HFM1: variants seen among roughly 807,000 people sequenced by gnomAD.
HFM1 encodes the protein probable ATP-dependent DNA helicase HFM1.
HFM1 carries 169 observed loss-of-function variants against 192.1 expected under a neutral mutation model. The ratio of observed to expected loss-of-function variants is 0.88; its 90% CI spans 0.78 to 1.00. The LOEUF (loss-of-function observed/expected upper bound fraction) is 1.00. Among genes scored for constraint, HFM1 ranks in the 50% least tolerant of loss-of-function variants. The pLI is 0.00. For missense variants in HFM1, 1,661 were observed against 1,668.0 expected, an observed-to-expected ratio of 1.00 and a Z score of 0.07; for synonymous variants, 525 against 537.8, an observed-to-expected ratio of 0.98 and a Z score of 0.33.
chr1:91,375,794 C>T (rs1232342287), intron 11 of HFM1, 67 bp from the exon 12 acceptor site: 30 of 1,323,250 alleles, frequency 2.3e-5, no homozygotes, highest in Admixed American at 7.0e-5. Flanking sequence ...AAAAACAACC[C>T]AATTACAAAG....
chr1:91,290,941 C>T (rs1282880770), intron 30 of HFM1, among the ~76,000 whole-genome samples: 1 of 152,162 alleles, frequency 6.6e-6, no homozygotes, highest in African/African-American at 2.4e-5. Flanking sequence ...CAACCTGCTC[C>T]TAAATGACTA....
intron 4 of HFM1, among the ~76,000 whole-genome samples, chr1:91,389,940 T>C (rs941231613): frequency 1.2e-4 from 19 of 152,172 alleles, no homozygotes; most frequent in African/African-American, 4.6e-4. Flanking sequence ...AATATAAAGT[T>C]ACCATATGAC....
chr1:91,293,761 G>A (rs1156277329), intron 30 of HFM1, among the ~76,000 whole-genome samples: 1 of 149,616 alleles, frequency 6.7e-6, no homozygotes, highest in East Asian at 2.0e-4. Context: ...TATGTTTATT[G>A]CGGCATTATT....
intron 32 of HFM1, 45 bp from the exon 33 acceptor site, chr1:91,274,854 A>G (rs1449828340): frequency 1.0e-6 from 1 of 990,954 alleles, no homozygotes; most frequent in Non-Finnish European, 1.6e-6. Context: ...TTTCACATCA[A>G]TAACTTGTAA....
chr1:91,357,617 A>G (rs993338860), intron 13 of HFM1, among the ~76,000 whole-genome samples: 1 of 152,186 alleles, frequency 6.6e-6, no homozygotes, highest in Non-Finnish European at 1.5e-5. Context: ...GCAATCAGAT[A>G]AGAAAAAAAT....
intron 17 of HFM1, among the ~76,000 whole-genome samples, chr1:91,351,279 T>C (rs1656901645): frequency 6.6e-6 from 1 of 151,910 alleles, no homozygotes; most frequent in South Asian, 2.1e-4. Context: ...TATAACATAA[T>C]CATAATTACT....
chr1:91,269,410 T>C (rs940932737), intron 34 of HFM1, among the ~76,000 whole-genome samples: 10 of 152,134 alleles, frequency 6.6e-5, no homozygotes, highest in Admixed American at 2.6e-4. Context: ...TTCTTGAAAA[T>C]TTAATAATCA....
In HFM1 at chr1:91,316,481, G is replaced by A. The variant is rs558684042; in HGVS notation, c.2813-5C>T. ...TTGCATTTGACAATGTTATACCTGT[G>A]GAAAATTAATCAAACAACAACTTAA... On this transcript the variant is annotated splice_polypyrimidine_tract_variant and splice_region_variant and intron_variant, in intron 25 of 38. Coordinates refer to ENST00000370425, the MANE Select transcript of HFM1 (RefSeq NM_001017975.6). 6 of 1,348,482 alleles carry A rather than the reference G, an allele frequency of 4.4e-6. No homozygotes were observed. The highest frequency in any genetic ancestry group is 5.0e-6 in the Non-Finnish European group (5 of 995,218). The allele number at this position is 1,348,482 out of a possible 1,614,324, so 83.5% of individuals were successfully genotyped here.
Position 91,343,448 on chromosome 1 carries a change from C to T in HFM1, c.2317G>A (p.Val773Ile). Reference sequence around the variant, plus strand: ...AAATTACCAGTTGGTTTGAAATTAACACCTTCATCCATCTTTATTAAGTCC... The same window carrying T: ...AAATTACCAGTTGGTTTGAAATTAATACCTTCATCCATCTTTATTAAGTCC... ...SLDLIKMDEGVNFKPTEAGRL... is the reference protein window; with the variant it reads ...SLDLIKMDEGINFKPTEAGRL... Residue 773 changes from valine (V) to isoleucine (I), a missense_variant, in exon 20 of 39, where the codon GTT (valine) becomes ATT (isoleucine). Val to Ile is a conservative substitution (Grantham distance 29, BLOSUM62 3). Coordinates refer to ENST00000370425, the MANE Select transcript of HFM1 (RefSeq NM_001017975.6). 2.1e-6 allele frequency: 3 copies of T among 1,422,386 alleles called. No homozygotes were observed. Among genetic ancestry groups the T allele is most frequent in the South Asian group, 1.3e-5 (1 of 74,390 alleles). The allele number at this position is 1,422,386 out of a possible 1,614,324, so 88.1% of individuals were successfully genotyped here.
At chr1:91,406,504 T>C (rs1160315368), upstream of HFM1, among the ~76,000 whole-genome samples, 2 of 152,184 alleles carry the variant, frequency 1.3e-5, no homozygotes, top group Non-Finnish European at 2.9e-5. Context: ...ATGTCAAAGC[T>C]GCAGTTTTTA....
At chr1:91,324,799 C>T in intron 20 of HFM1, 33 bp from the exon 21 acceptor site, 1 of 1,127,268 alleles carries the variant, frequency 8.9e-7, no homozygotes, top group Non-Finnish European at 1.4e-6. Context: ...GAACGGTCCC[C>T]TCATCAGCTG....
intron 18 of HFM1, 138 bp from the exon 19 acceptor site, chr1:91,347,614 G>T: frequency 2.2e-6 from 1 of 453,036 alleles, no homozygotes; most frequent in Non-Finnish European, 4.0e-6. Flanking sequence ...TTCAAACAAG[G>T]CTTAAATATC....
Position 91,261,333 on chromosome 1 carries a change from TC to T in HFM1, c.4264del (p.Asp1422MetfsTer3). ...TATTCCCAATAAAGACTTCATTTCA[TC>T]AGCTTCATCATCAGGATGATACATA... is the stretch of plus-strand genomic sequence containing the variant. ...FSMYHPDDEA[D>X]EMKSLLGIFD... On this transcript the variant is annotated frameshift_variant, in exon 39 of 39. Transcript: ENST00000370425. LOFTEE classifies it high-confidence loss of function. The T allele has an allele frequency of 7.0e-7, 1 of 1,426,822 alleles. No homozygotes were observed. The highest frequency in any genetic ancestry group is 1.6e-5 in the South Asian group (1 of 61,378). 88.4% of individuals were successfully genotyped at this position (1,426,822 alleles called of 1,614,324 possible). A position where few individuals can be genotyped will look rare whatever the true frequency, so the allele number is the denominator to read the frequency against.
At chr1:91,356,706 C>A in intron 13 of HFM1, among the ~76,000 whole-genome samples, 1 of 119,962 alleles carries the variant, frequency 8.3e-6, no homozygotes. Flanking sequence ...AAACAAATAT[C>A]TAGCTAGACT....
chr1:91,308,817 G>A (rs1027613051), intron 30 of HFM1, among the ~76,000 whole-genome samples: 3 of 152,064 alleles, frequency 2.0e-5, no homozygotes, highest in Non-Finnish European at 4.4e-5. Context: ...CATTTCACCA[G>A]AAGAAGTTTC....
At position 91,300,217 on chromosome 1, in the gene HFM1, T is replaced by G. The variant is rs189754903; in HGVS notation, c.3391+13132A>C. Among the ~76,000 whole-genome samples the G allele has an allele frequency of 2.0e-3, 306 of 152,180 alleles. 3 individuals are homozygous for G. Among genetic ancestry groups the G allele is most frequent in the African/African-American group, 7.1e-3 (295 of 41,512 alleles). ...GATAAATTTCTGGACACATACACCCTCCCAAGACTAAACCAGGAAGAAGCT... is the reference window on the plus strand; with the variant it reads ...GATAAATTTCTGGACACATACACCCGCCCAAGACTAAACCAGGAAGAAGCT... On this transcript the variant is annotated intron_variant, in intron 30 of 38. Coordinates refer to ENST00000370425, the MANE Select transcript of HFM1 (RefSeq NM_001017975.6).
chr1:91,394,447 G>A, intron 3 of HFM1, 45 bp from the exon 4 acceptor site: 32 of 1,129,552 alleles, frequency 2.8e-5, no homozygotes, highest in South Asian at 4.9e-5. Context: ...CTCCATTAAA[G>A]GAAATTTTCA....
At chr1:91,370,273 C>T (rs1659988406) in intron 13 of HFM1, among the ~76,000 whole-genome samples, 1 of 152,104 alleles carries the variant, frequency 6.6e-6, no homozygotes, top group African/African-American at 2.4e-5. Flanking sequence ...CAAAGCCTGG[C>T]AGAGACACAA....
intron 13 of HFM1, among the ~76,000 whole-genome samples, chr1:91,365,506 A>G (rs1659176612): frequency 6.6e-6 from 1 of 152,188 alleles, no homozygotes; most frequent in Admixed American, 6.5e-5. Flanking sequence ...TAAAAAAGAA[A>G]ACTAGGTGAA....
Sources: allele counts gnomAD v4.1 joint callset (sites outside exome capture counted in the v4.1 genomes callset), GRCh38; gene constraint gnomAD v4.1.1; transcripts MANE v1.5; gene names NCBI Gene and HGNC (gene_info 2026-07-23, HGNC 2026-07-21).